BRIP1: variants seen among roughly 807,000 people sequenced by gnomAD.
BRIP1 encodes Fanconi anemia group J protein.
A neutral mutation model predicts 119.7 loss-of-function variants in BRIP1; 88 were observed. The ratio of observed to expected loss-of-function variants is 0.74; its 90% CI spans 0.62 to 0.88. The LOEUF (loss-of-function observed/expected upper bound fraction) is 0.88, where lower values mean the gene tolerates loss of function less well. Among genes scored for constraint, BRIP1 ranks in the 40% least tolerant of loss-of-function variants. The pLI is 0.00. For synonymous variants in BRIP1, 443 were observed against 496.5 expected (o/e 0.89, Z 1.43); for missense variants, 1,259 against 1,455.4 (o/e 0.87, Z 2.20).
chr17:61,683,601 G>T lies in BRIP1; in HGVS notation c.3445C>A (p.Leu1149Ile), dbSNP rs2144075710. 1 of 1,612,162 alleles carries T rather than the reference G, an allele frequency of 6.2e-7. No homozygotes were observed. The highest frequency in any genetic ancestry group is 1.1e-5 in the South Asian group (1 of 91,028). Residue 1149 changes from leucine to isoleucine, a missense_variant, in exon 20 of 20, where the codon CTA becomes ATA. Physicochemically the swap from Leu to Ile is conservative, Grantham distance 5. Coordinates refer to ENST00000259008, the MANE Select transcript of BRIP1 (RefSeq NM_032043.3). The surrounding 1 kb of genome is among the most constrained non-coding windows in gnomAD (Gnocchi z 4.7). ...CTATTTCCTCTATCAGTTTCAGCTAGGTCATTTTTTTCTTCATCTGTATCT... is the reference window on the plus strand; with the variant it reads ...CTATTTCCTCTATCAGTTTCAGCTATGTCATTTTTTTCTTCATCTGTATCT... ...PEDTDEEKND[L>I]AETDRGNRLA...
At chr17:61,747,739 AATT>A (rs2077076737) in intron 14 of BRIP1, among the ~76,000 whole-genome samples, 1 of 151,570 alleles carries the variant, frequency 6.6e-6, no homozygotes, top group Non-Finnish European at 1.5e-5. Context: ...TTTGCTAATT[AATT>A]AATTTATTTT....
Position 61,699,811 on chromosome 17 carries a change from A to T in BRIP1, c.2493-6299T>A, listed in dbSNP as rs1442118850. Reference sequence around the variant, plus strand: ...GCTGAATACTCATTCTCCTTTTGAGAGTCTAGTCTTCTGGAAACTGCTAGG... The same window carrying T: ...GCTGAATACTCATTCTCCTTTTGAGTGTCTAGTCTTCTGGAAACTGCTAGG... On this transcript the variant is annotated intron_variant, in intron 17 of 19. Coordinates refer to ENST00000259008, the MANE Select transcript of BRIP1 (RefSeq NM_032043.3). The surrounding 1 kb of genome is among the most constrained non-coding windows in gnomAD (Gnocchi z 4.8). Among the ~76,000 whole-genome samples, 1 of 152,154 alleles carries T rather than the reference A, an allele frequency of 6.6e-6. No individual in the cohort carries two copies. The highest frequency in any genetic ancestry group is 1.5e-5 in the Non-Finnish European group (1 of 68,032).
At chr17:61,692,133 A>G (rs532174268) in intron 18 of BRIP1, among the ~76,000 whole-genome samples, 2 of 152,334 alleles carry the variant, frequency 1.3e-5, no homozygotes, top group Admixed American at 6.5e-5. Flanking sequence ...ATGATTGTAG[A>G]CTTTCTGAGG....
rs374668622 is a variant in BRIP1, at chr17:61,768,508, G to T, written c.2097+7893C>A. Reference sequence around the variant, plus strand: ...TGTGTTTATTCATCAAGCATTTATGGAAAGATTATTATGTGCAGTTGTGAT... The same window carrying T: ...TGTGTTTATTCATCAAGCATTTATGTAAAGATTATTATGTGCAGTTGTGAT... On this transcript the variant is annotated intron_variant, in intron 14 of 19. Coordinates refer to ENST00000259008, the MANE Select transcript of BRIP1 (RefSeq NM_032043.3). This position sits in a 1 kb window ranked among gnomAD's most constrained non-coding sequence, Gnocchi z 5.0. Among the ~76,000 whole-genome samples, 4 of 152,134 alleles carry T rather than the reference G, an allele frequency of 2.6e-5. No individual in the cohort carries two copies. The South Asian group carries it at 8.3e-4, about 32-fold the overall frequency.
chr17:61,701,452 A>C lies in BRIP1; in HGVS notation c.2493-7940T>G, dbSNP rs995305020. On this transcript the variant is annotated intron_variant, in intron 17 of 19. Transcript: ENST00000259008. This position sits in a 1 kb window ranked among gnomAD's most constrained non-coding sequence, Gnocchi z 5.1. ...ATCATGTCTCCCATTCTTTGCCAAGAGTCTCTGCATATATTGGGGCATAAT... is the reference window on the plus strand; with the variant it reads ...ATCATGTCTCCCATTCTTTGCCAAGCGTCTCTGCATATATTGGGGCATAAT... Among the ~76,000 whole-genome samples, 25 of 152,200 alleles carry C rather than the reference A, an allele frequency of 1.6e-4. No individual in the cohort carries two copies. Among genetic ancestry groups the C allele is most frequent in the African/African-American group, 5.1e-4 (21 of 41,448 alleles).
Position 61,807,149 on chromosome 17 carries a change from C to G in BRIP1, c.918+1318G>C, listed in dbSNP as rs540183654. Among the ~76,000 whole-genome samples, 12 of 152,316 alleles carry G rather than the reference C, an allele frequency of 7.9e-5. No homozygotes were observed. Among genetic ancestry groups the G allele is most frequent in the African/African-American group, 2.9e-4 (12 of 41,576 alleles). On this transcript the variant is annotated intron_variant, in intron 7 of 19. Coordinates refer to ENST00000259008, the MANE Select transcript of BRIP1 (RefSeq NM_032043.3). This position sits in a 1 kb window ranked among gnomAD's most constrained non-coding sequence, Gnocchi z 4.5. ...TGAGGAATTCAGCAGATCACTTAGT[C>G]ACTATGGAAAGCAGTCTACTTATGC...
chr17:61,685,086 G>C (rs1056055196), intron 19 of BRIP1: 1 of 152,236 alleles, frequency 6.6e-6, no homozygotes, highest in African/African-American at 2.4e-5. Flanking sequence ...TCATAGGCCA[G>C]ATAGTAATAT....
rs886041147 is a variant in BRIP1, at chr17:61,685,867, T to A, written c.2874A>T (p.Leu958=). The A allele has an allele frequency of 4.3e-6, 7 of 1,613,334 alleles. No individual in the cohort carries two copies. The highest frequency in any genetic ancestry group is 5.9e-6 in the Non-Finnish European group (7 of 1,179,648). The change falls in exon 19 of 20, where the codon CTA becomes CTT. Residue 958 remains leucine, a synonymous_variant. Transcript: ENST00000259008. ...CPKIITKNSP[L]PSSIISRKEK... The stretch of plus-strand genomic sequence containing the variant: ...CCTTTCTGGAGATAATGCTACTTGG[T>A]AGAGGTGAATTTTTGGTAATAATTT...
At chr17:61,782,009 A>G (rs1301532880) in intron 11 of BRIP1, among the ~76,000 whole-genome samples, 1 of 152,066 alleles carries the variant, frequency 6.6e-6, no homozygotes, top group Non-Finnish European at 1.5e-5. Flanking sequence ...GAGAGATTAG[A>G]TCTCAAAATT....
chr17:61,744,878 C>T lies in BRIP1; in HGVS notation c.2098-287G>A, dbSNP rs976937910. On this transcript the variant is annotated intron_variant, in intron 14 of 19. Transcript: ENST00000259008. The surrounding 1 kb of genome is among the most constrained non-coding windows in gnomAD (Gnocchi z 5.0). ...ACTACTGCTACTACTACTATTACTA[C>T]TACTACTTCTACTATTATCTTGGCA... Among the ~76,000 whole-genome samples, 2 of 151,598 alleles carry T rather than the reference C, an allele frequency of 1.3e-5. No homozygotes were observed. Among genetic ancestry groups the T allele is most frequent in the Non-Finnish European group, 2.9e-5 (2 of 67,950 alleles).
At chr17:61,721,394 C>T (rs951688560) in intron 16 of BRIP1, among the ~76,000 whole-genome samples, 6 of 151,640 alleles carry the variant, frequency 4.0e-5, no homozygotes, top group East Asian at 1.9e-4. Flanking sequence ...CTCAGCCTCC[C>T]GAGTAGCTGA....
chr17:61,778,174 C>T lies in BRIP1; in HGVS notation c.1936-1612G>A, dbSNP rs538015264. Among the ~76,000 whole-genome samples the T allele has an allele frequency of 6.6e-6, 1 of 152,270 alleles. No individual in the cohort carries two copies. The highest frequency in any genetic ancestry group is 1.9e-4 in the East Asian group (1 of 5,180). On this transcript the variant is annotated intron_variant, in intron 13 of 19. Transcript: ENST00000259008. The surrounding 1 kb of genome is among the most constrained non-coding windows in gnomAD (Gnocchi z 4.4). ...CAACATAGATGATGAACTTTGAAGA[C>T]ATTATCTGCAACATGGACAAACCTT...
At chr17:61,771,204 G>A (rs998496828) in intron 14 of BRIP1, among the ~76,000 whole-genome samples, 1 of 152,176 alleles carries the variant, frequency 6.6e-6, no homozygotes, top group Non-Finnish European at 1.5e-5. Context: ...TAGATGAAAT[G>A]TTCAGAAAAG....
rs1428304780 is a variant in BRIP1, at chr17:61,832,210, A to G, written c.627+14891T>C. Among the ~76,000 whole-genome samples the G allele has an allele frequency of 6.6e-6, 1 of 152,230 alleles. No individual in the cohort carries two copies. The highest frequency in any genetic ancestry group is 1.5e-5 in the Non-Finnish European group (1 of 68,036). On this transcript the variant is annotated intron_variant, in intron 6 of 19. Coordinates refer to ENST00000259008, the MANE Select transcript of BRIP1 (RefSeq NM_032043.3). The surrounding 1 kb of genome is among the most constrained non-coding windows in gnomAD (Gnocchi z 5.5). ...CAAAAAATAAGGAAGCGTTCCAAGAATGATTGATATATGTCAGAAAGACAC... is the reference window on the plus strand; with the variant it reads ...CAAAAAATAAGGAAGCGTTCCAAGAGTGATTGATATATGTCAGAAAGACAC...
intron 10 of BRIP1, among the ~76,000 whole-genome samples, chr17:61,788,799 T>TA (rs946536296): frequency 4.6e-5 from 7 of 151,370 alleles, no homozygotes; most frequent in African/African-American, 1.2e-4. Context: ...CTACAAAACA[T>TA]AAAAAAAATT....
chr17:61,711,865 CAAAAAA>C (rs879605038), intron 17 of BRIP1, among the ~76,000 whole-genome samples: 4 of 145,148 alleles, frequency 2.8e-5, no homozygotes, highest in Non-Finnish European at 4.5e-5. Context: ...AAGACTCTCT[CAAAAAA>C]AAAATAATAA....
chr17:61,713,742 G>A lies in BRIP1; in HGVS notation c.2492+2209C>T, dbSNP rs2109256. 0.39 allele frequency among the ~76,000 whole-genome samples: 58,982 copies of A among 151,714 alleles called. 12,102 individuals are homozygous for A. The highest frequency in any genetic ancestry group is 0.54 in the South Asian group (2,598 of 4,808). ...TCACCACGTTGGCCAGGTTGCTATC[G>A]AACTCCTGACCTTAAGTGATCTGCC... On this transcript the variant is annotated intron_variant, in intron 17 of 19. Coordinates refer to ENST00000259008, the MANE Select transcript of BRIP1 (RefSeq NM_032043.3). The surrounding 1 kb of genome is among the most constrained non-coding windows in gnomAD (Gnocchi z 4.9).
chr17:61,777,083 A>G (rs1473188290), intron 13 of BRIP1, among the ~76,000 whole-genome samples: 2 of 152,176 alleles, frequency 1.3e-5, no homozygotes, highest in Non-Finnish European at 2.9e-5. Context: ...TCTCCCTTAT[A>G]TGTAGAGAGA....
At position 61,680,838 on chromosome 17, in the gene BRIP1, T is replaced by C. The variant is rs1007551665; in HGVS notation, c.*2458A>G. 6.6e-6 allele frequency among the ~76,000 whole-genome samples: 1 copy of C among 152,294 alleles called. No homozygotes were observed. Among genetic ancestry groups the C allele is most frequent in the African/African-American group, 2.4e-5 (1 of 41,560 alleles). On this transcript the variant is annotated 3_prime_UTR_variant, in exon 20 of 20. Coordinates refer to ENST00000259008, the MANE Select transcript of BRIP1 (RefSeq NM_032043.3). ...AATTGTAGCATTGCGAAAATAAATA[T>C]CTAGCTTTCCAAGTTATTATGCACA...
Sources: gnomAD v4.1 joint callset for allele counts (sites outside exome capture counted in the v4.1 genomes callset) on GRCh38, gnomAD v4.1.1 for gene constraint, Gnocchi (gnomAD v3.1) non-coding constraint, MANE v1.5 for transcripts, NCBI Gene and HGNC (gene_info 2026-07-23, HGNC 2026-07-21) for gene names.